Variants in CNTN5 observed in about 807,000 individuals in gnomAD.
The protein encoded by CNTN5 is contactin-5.
Under a neutral mutation model 129.1 loss-of-function variants are expected in CNTN5, and 77 were observed. The ratio of observed to expected loss-of-function variants is 0.60; its 90% CI spans 0.50 to 0.72. The LOEUF is 0.72. Ranked by LOEUF, CNTN5 falls within the 30% of genes least tolerant of loss-of-function variation. The pLI is 0.00. For missense variants in CNTN5, 1,478 were observed against 1,328.8 expected, an observed-to-expected ratio of 1.11 and a Z score of -1.75; for synonymous variants, 509 against 465.6, an observed-to-expected ratio of 1.09 and a Z score of -1.20.
chr11:99,651,479 T>A (rs923496043), intron 3 of CNTN5, among the ~76,000 whole-genome samples: 1 of 151,958 alleles, frequency 6.6e-6, no homozygotes, highest in Admixed American at 6.6e-5. Context: ...AAATGTAATA[T>A]CATTGAACAA....
intron 1 of CNTN5, among the ~76,000 whole-genome samples, chr11:99,116,340 G>T (rs1021643729): frequency 1.3e-5 from 2 of 152,180 alleles, no homozygotes; most frequent in Non-Finnish European, 2.9e-5. Flanking sequence ...AACAGTGGGA[G>T]AAAATATCTG....
chr11:99,313,804 C>T (rs541208703), intron 1 of CNTN5, among the ~76,000 whole-genome samples: 1 of 152,120 alleles, frequency 6.6e-6, no homozygotes, highest in Admixed American at 6.5e-5. Flanking sequence ...TAATGATTTG[C>T]AGCTGCAATA....
At chr11:100,344,953 C>T (rs1055987853) in intron 23 of CNTN5, among the ~76,000 whole-genome samples, 28 of 152,010 alleles carry the variant, frequency 1.8e-4, no homozygotes, top group Non-Finnish European at 1.8e-4. Context: ...TATATCAGTA[C>T]ATTATAAAAT....
intron 3 of CNTN5, among the ~76,000 whole-genome samples, chr11:99,801,345 T>G (rs548836358): frequency 6.6e-6 from 1 of 152,316 alleles, no homozygotes; most frequent in South Asian, 2.1e-4. Context: ...CTAACATGTT[T>G]CTCTAGCTGC....
chr11:99,148,420 CT>C (rs1859889568), intron 1 of CNTN5, among the ~76,000 whole-genome samples: 1 of 151,934 alleles, frequency 6.6e-6, no homozygotes, highest in South Asian at 2.1e-4. Flanking sequence ...ACTGAGACAA[CT>C]CTATCTAATC....
intron 3 of CNTN5, among the ~76,000 whole-genome samples, chr11:99,757,599 T>G (rs1200631047): frequency 6.6e-6 from 1 of 152,080 alleles, no homozygotes; most frequent in Non-Finnish European, 1.5e-5. Flanking sequence ...CGTTTTAACT[T>G]GATTATATCT....
intron 2 of CNTN5, among the ~76,000 whole-genome samples, chr11:99,346,317 G>A (rs1379130406): frequency 2.6e-5 from 4 of 152,204 alleles, no homozygotes; most frequent in African/African-American, 9.6e-5. Flanking sequence ...TGCAAAAATT[G>A]TGAACTAATG....
chr11:99,949,471 G>C (rs1438341573), intron 7 of CNTN5, among the ~76,000 whole-genome samples: 1 of 152,080 alleles, frequency 6.6e-6, no homozygotes, highest in Non-Finnish European at 1.5e-5. Flanking sequence ...GCAGGGATTT[G>C]GGGGCTTTAT....
At chr11:99,754,444 T>C (rs1944345450) in intron 3 of CNTN5, among the ~76,000 whole-genome samples, 1 of 152,232 alleles carries the variant, frequency 6.6e-6, no homozygotes, top group Admixed American at 6.5e-5. Context: ...GCCATCTCTC[T>C]TATTTGCTGA....
chr11:99,506,100 T>G (rs1426291677), intron 2 of CNTN5, among the ~76,000 whole-genome samples: 1 of 152,092 alleles, frequency 6.6e-6, no homozygotes, highest in Non-Finnish European at 1.5e-5. Context: ...GAGTATTTTT[T>G]GACAGCTTTA....
At chr11:99,832,694 A>G (rs1374823407) in intron 4 of CNTN5, among the ~76,000 whole-genome samples, 1 of 152,212 alleles carries the variant, frequency 6.6e-6, no homozygotes, top group Non-Finnish European at 1.5e-5. Context: ...CTATGTCATC[A>G]TAAAATATAA....
At chr11:99,923,530 A>G (rs778477964) in intron 7 of CNTN5, among the ~76,000 whole-genome samples, 1 of 152,180 alleles carries the variant, frequency 6.6e-6, no homozygotes, top group Non-Finnish European at 1.5e-5. Flanking sequence ...TGACTTTATT[A>G]TGTACAGAAA....
chr11:100,283,154 C>T (rs1042010720), intron 18 of CNTN5, among the ~76,000 whole-genome samples: 5 of 152,090 alleles, frequency 3.3e-5, no homozygotes, highest in Non-Finnish European at 7.4e-5. Context: ...TTAATCCTGC[C>T]AAGACTGGGT....
intron 3 of CNTN5, among the ~76,000 whole-genome samples, chr11:99,569,258 C>G (rs1949101506): frequency 6.6e-6 from 1 of 151,922 alleles, no homozygotes; most frequent in African/African-American, 2.4e-5. Flanking sequence ...CTAGCATAAT[C>G]CTTGCTATGA....
intron 1 of CNTN5, among the ~76,000 whole-genome samples, chr11:99,238,732 C>T (rs1440195916): frequency 1.3e-5 from 2 of 151,988 alleles, no homozygotes; most frequent in African/African-American, 4.8e-5. Flanking sequence ...TAAAATTGAT[C>T]ATAAATGTAT....
chr11:99,546,442 A>G (rs946535263), intron 2 of CNTN5, among the ~76,000 whole-genome samples: 4 of 152,170 alleles, frequency 2.6e-5, no homozygotes, highest in African/African-American at 9.7e-5. Context: ...TATCAACTGA[A>G]GAATCACAAG....
chr11:99,632,354 T>C (rs1389740068), intron 3 of CNTN5, among the ~76,000 whole-genome samples: 2 of 152,168 alleles, frequency 1.3e-5, no homozygotes, highest in South Asian at 4.1e-4. Flanking sequence ...GCAACTAGAG[T>C]TCTGTGATTA....
chr11:99,070,019 G>A (rs1865276233), intron 1 of CNTN5, among the ~76,000 whole-genome samples: 1 of 152,150 alleles, frequency 6.6e-6, no homozygotes, highest in Admixed American at 6.5e-5. Flanking sequence ...AGCCACACTG[G>A]TTTCTCTCTT....
chr11:99,045,467 A>G (rs890517765), intron 1 of CNTN5, among the ~76,000 whole-genome samples: 4 of 152,226 alleles, frequency 2.6e-5, no homozygotes, highest in South Asian at 2.1e-4. Context: ...CCCATAAAAT[A>G]CATTACCTGA....
Sources: allele counts gnomAD v4.1 joint callset (sites outside exome capture counted in the v4.1 genomes callset), GRCh38; gene constraint gnomAD v4.1.1; transcripts MANE v1.5; gene names NCBI Gene and HGNC (gene_info 2026-07-23, HGNC 2026-07-21).